Variants in FBXL17 observed in about 807,000 individuals in gnomAD.
The protein encoded by FBXL17 is F-box and leucine rich repeat protein 17.
A neutral mutation model predicts 66.2 loss-of-function variants in FBXL17; 22 were observed. The observed-to-expected ratio is 0.33, with a 90% CI of 0.24 to 0.47. The LOEUF is 0.47. Among genes scored for constraint, FBXL17 ranks in the 20% least tolerant of loss-of-function variants. The probability of loss-of-function intolerance (pLI) is 1.00; values close to 1 mark genes in which losing one functional copy is unlikely to be tolerated. For missense variants in FBXL17, 878 were observed against 948.2 expected (o/e 0.93, Z 0.97); for synonymous variants, 474 against 400.5 (o/e 1.18, Z -2.19).
intron 4 of FBXL17, among the ~76,000 whole-genome samples, chr5:108,256,109 T>TAC (rs1756566940): frequency 6.6e-6 from 1 of 152,190 alleles, no homozygotes; most frequent in African/African-American, 2.4e-5. Context: ...TGGCAGGTAT[T>TAC]ACATAGAATC....
At chr5:107,958,018 T>A (rs1291765287) in intron 7 of FBXL17, among the ~76,000 whole-genome samples, 1 of 152,070 alleles carries the variant, frequency 6.6e-6, no homozygotes, top group Non-Finnish European at 1.5e-5. Flanking sequence ...CGTTAATTGT[T>A]GACACGGCAG....
At chr5:107,961,502 C>T (rs1188743832) in intron 7 of FBXL17, among the ~76,000 whole-genome samples, 1 of 152,082 alleles carries the variant, frequency 6.6e-6, no homozygotes, top group African/African-American at 2.4e-5. Context: ...GCTAGGAATA[C>T]AGGTGTGAGG....
At chr5:107,921,469 C>T (rs1175987208) in intron 7 of FBXL17, among the ~76,000 whole-genome samples, 1 of 152,104 alleles carries the variant, frequency 6.6e-6, no homozygotes, top group Non-Finnish European at 1.5e-5. Context: ...AAGGCAATGA[C>T]ATTGAGAAGC....
At chr5:108,240,761 A>G (rs560528857) in intron 4 of FBXL17, among the ~76,000 whole-genome samples, 120 of 152,280 alleles carry the variant, frequency 7.9e-4, no homozygotes, top group African/African-American at 2.8e-3. Flanking sequence ...GGCAAGACCC[A>G]GTGCTATTCT....
intron 4 of FBXL17, among the ~76,000 whole-genome samples, chr5:108,332,420 A>T (rs1432887681): frequency 1.3e-5 from 2 of 152,166 alleles, no homozygotes; most frequent in East Asian, 1.9e-4. Flanking sequence ...TCCTCCTAAC[A>T]TTAATATTAA....
chr5:108,096,749 A>T (rs1442358799), intron 6 of FBXL17, among the ~76,000 whole-genome samples: 1 of 152,184 alleles, frequency 6.6e-6, no homozygotes, highest in African/African-American at 2.4e-5. Flanking sequence ...AGAAACAAGG[A>T]GCTGTCTGAG....
At chr5:107,869,064 G>A (rs1417569394) in intron 8 of FBXL17, among the ~76,000 whole-genome samples, 1 of 152,210 alleles carries the variant, frequency 6.6e-6, no homozygotes, top group Non-Finnish European at 1.5e-5. Context: ...AGTGCCCACA[G>A]TATATCTGTG....
At chr5:108,125,796 G>A (rs1750674782) in intron 6 of FBXL17, among the ~76,000 whole-genome samples, 1 of 151,982 alleles carries the variant, frequency 6.6e-6, no homozygotes, top group Non-Finnish European at 1.5e-5. Context: ...TCCAGTTATT[G>A]TGTTTATATT....
intron 5 of FBXL17, among the ~76,000 whole-genome samples, chr5:108,205,695 T>C (rs1266694087): frequency 6.6e-6 from 1 of 152,174 alleles, no homozygotes; most frequent in Non-Finnish European, 1.5e-5. Flanking sequence ...TGTAAATAGG[T>C]AAATACAGAG....
intron 6 of FBXL17, among the ~76,000 whole-genome samples, chr5:108,036,476 G>A (rs958570184): frequency 3.9e-5 from 6 of 152,020 alleles, no homozygotes; most frequent in African/African-American, 9.7e-5. Flanking sequence ...TTTACATTCC[G>A]TATCTGGCCC....
chr5:107,980,992 C>T (rs778772595), intron 7 of FBXL17, among the ~76,000 whole-genome samples: 1 of 151,972 alleles, frequency 6.6e-6, no homozygotes, highest in South Asian at 2.1e-4. Context: ...CTCCTTAGTA[C>T]GATATCCTGT....
intron 6 of FBXL17, among the ~76,000 whole-genome samples, chr5:108,056,230 T>C (rs929613125): frequency 6.6e-6 from 1 of 152,194 alleles, no homozygotes; most frequent in Non-Finnish European, 1.5e-5. Flanking sequence ...TGGATGTAAA[T>C]ACTAATAATT....
At chr5:108,256,919 C>A (rs1000642039) in intron 4 of FBXL17, among the ~76,000 whole-genome samples, 1 of 151,998 alleles carries the variant, frequency 6.6e-6, no homozygotes, top group East Asian at 1.9e-4. Context: ...ACACAAAATT[C>A]TTCACTAAAG....
At chr5:108,155,939 C>T (rs1416903702) in intron 6 of FBXL17, among the ~76,000 whole-genome samples, 2 of 151,998 alleles carry the variant, frequency 1.3e-5, no homozygotes, top group Non-Finnish European at 2.9e-5. Context: ...TTCTTATATG[C>T]TGCCTGGAAA....
chr5:108,306,502 G>A (rs1405843831), intron 4 of FBXL17, among the ~76,000 whole-genome samples: 1 of 151,958 alleles, frequency 6.6e-6, no homozygotes, highest in Non-Finnish European at 1.5e-5. Context: ...TTCTTCATCT[G>A]GAAAATGGAG....
In FBXL17 at chr5:108,381,038, C is replaced by CCCG. The variant is rs1433396614; in HGVS notation, c.651_653dup (p.Gly219dup). 11 of 1,200,256 alleles carry CCCG rather than the reference C, an allele frequency of 9.2e-6. No homozygotes were observed. The highest frequency in any genetic ancestry group is 3.3e-4 in the Middle Eastern group (1 of 3,060). 74.4% of individuals were successfully genotyped at this position (1,200,256 alleles called of 1,614,324 possible). On this transcript the variant is annotated inframe_insertion, in exon 1 of 9. Transcript: ENST00000542267. The stretch of plus-strand genomic sequence containing the variant: ...CGCCGCCGCCGCCGCCGCCGCAGCC[C>CCCG]CCGCCGCCGCAGCGGGGCTGCTTGC...
chr5:108,328,703 C>CT (rs144022200), intron 4 of FBXL17, among the ~76,000 whole-genome samples: 88 of 151,762 alleles, frequency 5.8e-4, no homozygotes, highest in Non-Finnish European at 8.7e-4. Flanking sequence ...ATAATATGCA[C>CT]TTTTTTTTAT....
At chr5:107,967,879 A>C (rs751570132) in intron 7 of FBXL17, among the ~76,000 whole-genome samples, 8 of 152,150 alleles carry the variant, frequency 5.3e-5, no homozygotes, top group Admixed American at 2.0e-4. Context: ...CACCTACTTT[A>C]AGGTGGGACA....
intron 7 of FBXL17, among the ~76,000 whole-genome samples, chr5:107,944,182 C>A (rs966366815): frequency 2.6e-5 from 4 of 152,168 alleles, no homozygotes; most frequent in Non-Finnish European, 5.9e-5. Flanking sequence ...GTACATTTGT[C>A]TATTTTGCAT....
Sources: allele counts gnomAD v4.1 joint callset (sites outside exome capture counted in the v4.1 genomes callset), GRCh38; gene constraint gnomAD v4.1.1; transcripts MANE v1.5; gene names NCBI Gene and HGNC (gene_info 2026-07-23, HGNC 2026-07-21).